Variants in CFDP1 observed in about 807,000 individuals in gnomAD.
The protein encoded by CFDP1 is heterochromatin-stabilizing protein CFDP1.
CFDP1 carries 31 observed loss-of-function variants against 40.1 expected under a neutral mutation model. That is an observed-to-expected ratio of 0.77 (90% confidence interval 0.58 to 1.04). The LOEUF (loss-of-function observed/expected upper bound fraction) is 1.04. Among genes scored for constraint, CFDP1 ranks in the 50% least tolerant of loss-of-function variants. CFDP1 has a pLI of 0.00. For missense variants in CFDP1, 423 were observed against 343.4 expected (o/e 1.23, Z -1.83); for synonymous variants, 167 against 120.0 (o/e 1.39, Z -2.56).
At chr16:75,315,421 G>A (rs544116354) in intron 5 of CFDP1, among the ~76,000 whole-genome samples, 42 of 151,152 alleles carry the variant, frequency 2.8e-4, no homozygotes, top group South Asian at 4.2e-4. Context: ...GAAATGGGGC[G>A]CTGGCATTAA....
At chr16:75,363,867 T>C (rs915694593) in intron 5 of CFDP1, among the ~76,000 whole-genome samples, 3 of 151,278 alleles carry the variant, frequency 2.0e-5, no homozygotes, top group Non-Finnish European at 4.4e-5. Context: ...AGTACTGAAC[T>C]GAGACAAGCG....
intron 5 of CFDP1, among the ~76,000 whole-genome samples, chr16:75,343,556 T>C (rs2078541335): frequency 6.6e-6 from 1 of 152,200 alleles, no homozygotes; most frequent in Non-Finnish European, 1.5e-5. Flanking sequence ...GCTAGGCCAA[T>C]TCCCAGTCAT....
At chr16:75,339,807 G>A (rs2078514170) in intron 5 of CFDP1, among the ~76,000 whole-genome samples, 1 of 152,168 alleles carries the variant, frequency 6.6e-6, no homozygotes, top group Non-Finnish European at 1.5e-5. Context: ...CTTAACAGGA[G>A]CCCTTCAGCA....
At chr16:75,366,448 C>A (rs886613969) in intron 5 of CFDP1, among the ~76,000 whole-genome samples, 3 of 152,082 alleles carry the variant, frequency 2.0e-5, no homozygotes, top group Non-Finnish European at 2.9e-5. Flanking sequence ...CATGGTGAAA[C>A]CCTGTCTCTA....
chr16:75,423,137 C>T (rs779443902), intron 1 of CFDP1, among the ~76,000 whole-genome samples: 8 of 151,784 alleles, frequency 5.3e-5, no homozygotes, highest in Non-Finnish European at 1.2e-4. Context: ...AAAAATTAGC[C>T]GGGCCTTGTG....
intron 6 of CFDP1, among the ~76,000 whole-genome samples, chr16:75,296,766 A>ACCC (rs1201399900): frequency 6.6e-6 from 1 of 152,196 alleles, no homozygotes; most frequent in South Asian, 2.1e-4. Flanking sequence ...CTCAAGGGCA[A>ACCC]CCCAGACAAA....
intron 5 of CFDP1, among the ~76,000 whole-genome samples, chr16:75,342,299 G>T (rs1381134540): frequency 6.6e-6 from 1 of 152,222 alleles, no homozygotes; most frequent in African/African-American, 2.4e-5. Context: ...ACTTGCTACA[G>T]TCACAAATCC....
chr16:75,367,735 G>A (rs533426441), intron 5 of CFDP1, among the ~76,000 whole-genome samples: 7 of 148,358 alleles, frequency 4.7e-5, no homozygotes, highest in Non-Finnish European at 8.9e-5. Context: ...AGAGGTTGCC[G>A]TGAGCCAAGA....
rs115236731 is a variant in CFDP1 at position 75,329,862 on chromosome 16, C to T, written c.651-24680G>A. On this transcript the variant is annotated intron_variant, in intron 5 of 6. Transcript: ENST00000283882. ...AGCAACCATGCTGATGCTAGGGATACAGAAGAGTAAGCATGGTTCCTGTTC... is the reference window on the plus strand; with the variant it reads ...AGCAACCATGCTGATGCTAGGGATATAGAAGAGTAAGCATGGTTCCTGTTC... 3.1e-3 allele frequency among the ~76,000 whole-genome samples: 466 copies of T among 152,320 alleles called. 2 individuals are homozygous for T. The highest frequency in any genetic ancestry group is 0.011 in the African/African-American group (453 of 41,572).
intron 5 of CFDP1, among the ~76,000 whole-genome samples, chr16:75,340,215 T>C (rs1280972023): frequency 2.6e-5 from 4 of 152,172 alleles, no homozygotes; most frequent in African/African-American, 9.6e-5. Context: ...GATGATCCTG[T>C]AACAGAGGTA....
Position 75,305,042 on chromosome 16 carries a change from T to C in CFDP1, c.791A>G (p.His264Arg), listed in dbSNP as rs2078248018. ...EEGIGEELAI[H>R]NRGKEGYIER... ...TTCTTACCCCTCTTTCCCTCGATTA[T>C]GGATGGCCAGTTCTTCACCAATCCC... The change falls in exon 6 of 7, where the codon CAT (histidine) becomes CGT (arginine). Residue 264 changes from histidine (H) to arginine (R), a missense_variant. His to Arg is a conservative substitution (Grantham distance 29). Transcript: ENST00000283882. 1.2e-6 allele frequency: 2 copies of C among 1,614,088 alleles called. No individual in the cohort carries two copies. Among genetic ancestry groups the C allele is most frequent in the Non-Finnish European group, 1.7e-6 (2 of 1,179,978 alleles).
chr16:75,370,278 A>G (rs2151539218), intron 5 of CFDP1, among the ~76,000 whole-genome samples: 1 of 151,822 alleles, frequency 6.6e-6, no homozygotes, highest in Non-Finnish European at 1.5e-5. Flanking sequence ...TTTTTAGTAG[A>G]GATGGGGTTT....
intron 1 of CFDP1, among the ~76,000 whole-genome samples, chr16:75,424,075 C>T (rs573962703): frequency 6.4e-4 from 97 of 152,182 alleles, no homozygotes; most frequent in Middle Eastern, 3.4e-3. Context: ...AGAAAAACCA[C>T]ATGTAATTAA....
rs1597395058 is a variant in CFDP1, at chr16:75,412,386, A to G, written c.402+149T>C. ...CTATTGGAAACTTACATGATTAGAGAAGCTTATTCTCCTACCACAGGAAAT... is the reference window on the plus strand; with the variant it reads ...CTATTGGAAACTTACATGATTAGAGGAGCTTATTCTCCTACCACAGGAAAT... On this transcript the variant is annotated intron_variant, in intron 3 of 6. Coordinates refer to ENST00000283882, the MANE Select transcript of CFDP1 (RefSeq NM_006324.3). 8 of 717,104 alleles carry G rather than the reference A, an allele frequency of 1.1e-5. No homozygotes were observed. The Middle Eastern group carries it at 2.0e-3, about 183-fold the overall frequency. The allele number at this position is 717,104 out of a possible 1,614,324, so 44.4% of individuals were successfully genotyped here. A position where few individuals can be genotyped will look rare whatever the true frequency, so the allele number is the denominator to read the frequency against.
chr16:75,309,634 C>G (rs1325673684), intron 5 of CFDP1, among the ~76,000 whole-genome samples: 1 of 152,022 alleles, frequency 6.6e-6, no homozygotes, highest in African/African-American at 2.4e-5. Flanking sequence ...TCCTGCCTAA[C>G]ACGGTGAAAC....
chr16:75,381,048 A>G (rs1597368667), intron 5 of CFDP1, among the ~76,000 whole-genome samples: 1 of 152,242 alleles, frequency 6.6e-6, no homozygotes, highest in East Asian at 1.9e-4. Flanking sequence ...AGTGGCACGT[A>G]GAGTGGAGAG....
chr16:75,386,781 C>T (rs552766903), intron 5 of CFDP1, among the ~76,000 whole-genome samples: 1 of 152,276 alleles, frequency 6.6e-6, no homozygotes, highest in Middle Eastern at 3.4e-3. Context: ...CTCAGATTGG[C>T]AAGGACTTTA....
chr16:75,339,937 A>G (rs959746448), intron 5 of CFDP1, among the ~76,000 whole-genome samples: 1 of 152,190 alleles, frequency 6.6e-6, no homozygotes, highest in Non-Finnish European at 1.5e-5. Context: ...AAGATGATCA[A>G]TCCATTTTCT....
intron 1 of CFDP1, 77 bp downstream of exon 1, chr16:75,433,212 C>T: frequency 1.4e-6 from 2 of 1,422,526 alleles, no homozygotes; most frequent in Non-Finnish European, 9.6e-7. Flanking sequence ...AGGGCAGACG[C>T]CCGCGGGGGC....
Sources: allele counts gnomAD v4.1 joint callset (sites outside exome capture counted in the v4.1 genomes callset), GRCh38; gene constraint gnomAD v4.1.1; transcripts MANE v1.5; gene names NCBI Gene and HGNC (gene_info 2026-07-23, HGNC 2026-07-21).